LMBRD1: variants seen among roughly 807,000 people sequenced by gnomAD.
The protein encoded by LMBRD1 is LMBR1 domain containing 1.
Under a neutral mutation model 74.8 loss-of-function variants are expected in LMBRD1, and 64 were observed. That is an observed-to-expected ratio of 0.86 (90% CI 0.70 to 1.05). LMBRD1 has a LOEUF of 1.05. LMBRD1 is among the 50% of genes least tolerant of loss of function. The pLI is 0.00. For synonymous variants in LMBRD1, 204 were observed against 216.3 expected (o/e 0.94, Z 0.50); for missense variants, 652 against 645.9 (o/e 1.01, Z -0.10).
intron 3 of LMBRD1, among the ~76,000 whole-genome samples, chr6:69,771,754 C>T (rs1470959683): frequency 6.6e-6 from 1 of 151,838 alleles, no homozygotes; most frequent in Non-Finnish European, 1.5e-5. Flanking sequence ...AAGGAAAAGA[C>T]GTATCATATT....
At chr6:69,740,181 T>C (rs1226118667) in intron 6 of LMBRD1, among the ~76,000 whole-genome samples, 7 of 152,120 alleles carry the variant, frequency 4.6e-5, no homozygotes, top group Non-Finnish European at 7.4e-5. Flanking sequence ...GGAGGTGGGA[T>C]GAGAGACGAA....
At chr6:69,697,736 CTA>C in intron 13 of LMBRD1, 95 bp from the exon 14 acceptor site, 2 of 678,450 alleles carry the variant, frequency 2.9e-6, no homozygotes, top group Non-Finnish European at 5.1e-6. Context: ...ACTCTGTATA[CTA>C]ACTACATCTA....
chr6:69,679,400 C>T (rs150937787), intron 14 of LMBRD1, among the ~76,000 whole-genome samples: 1 of 152,232 alleles, frequency 6.6e-6, no homozygotes, highest in African/African-American at 2.4e-5. Flanking sequence ...TTTATTCTCA[C>T]TTTTATTACA....
intron 3 of LMBRD1, among the ~76,000 whole-genome samples, chr6:69,775,774 T>C (rs1441330597): frequency 6.6e-6 from 1 of 152,250 alleles, no homozygotes; most frequent in African/African-American, 2.4e-5. Context: ...CTTTGAGTTG[T>C]GAGCTACAGT....
At chr6:69,706,853 C>T (rs908138604) in intron 9 of LMBRD1, among the ~76,000 whole-genome samples, 5 of 152,108 alleles carry the variant, frequency 3.3e-5, no homozygotes, top group African/African-American at 1.2e-4. Flanking sequence ...CTACTGCTGC[C>T]AATGACACAC....
At position 69,719,196 on chromosome 6, in the gene LMBRD1, A is replaced by C. The variant is rs78410214; in HGVS notation, c.637-115T>G. 813 of 915,406 alleles carry C rather than the reference A, an allele frequency of 8.9e-4. 3 individuals carry two copies. In the African/African-American group the frequency reaches 0.012, roughly 14 times the overall value. The allele number at this position is 915,406 out of a possible 1,614,324, so 56.7% of individuals were successfully genotyped here. A position where few individuals can be genotyped will look rare whatever the true frequency, so the allele number is the denominator to read the frequency against. Reference sequence around the variant, plus strand: ...AGAGTCAGCAGTTGTGAAAGAGTACAGTCACTGAAAACATGGTATATGGGA... The same window carrying C: ...AGAGTCAGCAGTTGTGAAAGAGTACCGTCACTGAAAACATGGTATATGGGA... On this transcript the variant is annotated intron_variant, in intron 7 of 15. Transcript: ENST00000649934.
chr6:69,717,976 G>T (rs557268055), intron 8 of LMBRD1, among the ~76,000 whole-genome samples: 2 of 152,238 alleles, frequency 1.3e-5, no homozygotes, highest in South Asian at 2.1e-4. Flanking sequence ...TACGTACCTA[G>T]CCACTTATAT....
At chr6:69,724,132 C>T (rs1045732854) in intron 7 of LMBRD1, among the ~76,000 whole-genome samples, 1 of 151,610 alleles carries the variant, frequency 6.6e-6, no homozygotes, top group Non-Finnish European at 1.5e-5. Flanking sequence ...CTGAACAGAC[C>T]AGTAATAAGT....
intron 3 of LMBRD1, among the ~76,000 whole-genome samples, chr6:69,757,333 A>G (rs1008468196): frequency 6.6e-6 from 1 of 152,230 alleles, no homozygotes; most frequent in Admixed American, 6.5e-5. Context: ...TGTTGCTGGT[A>G]AAAGTGCCCA....
chr6:69,761,482 T>C (rs1490165266), intron 3 of LMBRD1, among the ~76,000 whole-genome samples: 2 of 152,152 alleles, frequency 1.3e-5, no homozygotes, highest in African/African-American at 2.4e-5. Context: ...AGGGATAAGA[T>C]TACAACTCTA....
chr6:69,737,331 A>C (rs1381146608), intron 7 of LMBRD1, among the ~76,000 whole-genome samples: 1 of 152,090 alleles, frequency 6.6e-6, no homozygotes, highest in African/African-American at 2.4e-5. Context: ...CTCAAAGAGA[A>C]GTCTGTATAC....
chr6:69,694,892 C>A (rs550359062), intron 14 of LMBRD1, among the ~76,000 whole-genome samples: 3 of 152,266 alleles, frequency 2.0e-5, no homozygotes, highest in African/African-American at 7.2e-5. Context: ...CCTTCATAGG[C>A]TATCAAAAGC....
In LMBRD1 at chr6:69,726,727, T is replaced by G. The variant is rs554148436; in HGVS notation, c.637-7646A>C. Among the ~76,000 whole-genome samples the G allele has an allele frequency of 4.1e-5, 6 of 146,964 alleles. No individual in the cohort carries two copies. In the South Asian group the frequency reaches 1.1e-3, roughly 26 times the overall value. Reference sequence around the variant, plus strand: ...GAATTGAAGGATGGTTACTAGAGGCTGGGAAGGGTAGTGAGGCAGTGGGAG... The same window carrying G: ...GAATTGAAGGATGGTTACTAGAGGCGGGGAAGGGTAGTGAGGCAGTGGGAG... On this transcript the variant is annotated intron_variant, in intron 7 of 15. Transcript: ENST00000649934.
chr6:69,785,262 G>C (rs901476983), intron 2 of LMBRD1, among the ~76,000 whole-genome samples: 1 of 152,156 alleles, frequency 6.6e-6, no homozygotes, highest in Non-Finnish European at 1.5e-5. Context: ...CTACACGATA[G>C]AGAACTCCAG....
At chr6:69,746,528 A>C (rs1767235956) in intron 5 of LMBRD1, 1 of 153,416 alleles carries the variant, frequency 6.5e-6, no homozygotes, top group Non-Finnish European at 1.5e-5. Flanking sequence ...TAGGAAGCTT[A>C]CTGGCATAAC....
At chr6:69,796,717 G>A (rs2149901017) in intron 1 of LMBRD1, 96 bp downstream of exon 1, 5 of 1,126,878 alleles carry the variant, frequency 4.4e-6, no homozygotes, top group Non-Finnish European at 6.6e-6. Flanking sequence ...GCGGGGCGAA[G>A]AGGGTCTCCG....
intron 8 of LMBRD1, among the ~76,000 whole-genome samples, chr6:69,714,700 AG>A (rs774700378): frequency 2.6e-5 from 4 of 152,106 alleles, no homozygotes; most frequent in Non-Finnish European, 5.9e-5. Flanking sequence ...CATGTATCCT[AG>A]TGCAGCCTCA....
At chr6:69,774,650 G>A (rs1485766708) in intron 3 of LMBRD1, among the ~76,000 whole-genome samples, 1 of 151,966 alleles carries the variant, frequency 6.6e-6, no homozygotes, top group Non-Finnish European at 1.5e-5. Flanking sequence ...CTAAAACACA[G>A]ACAACATAAG....
intron 14 of LMBRD1, among the ~76,000 whole-genome samples, chr6:69,687,852 G>GT (rs924587061): frequency 5.3e-5 from 8 of 152,020 alleles, no homozygotes; most frequent in African/African-American, 1.9e-4. Flanking sequence ...GGACCACGTA[G>GT]TTTTTTTTAA....
Sources: allele counts gnomAD v4.1 joint callset (sites outside exome capture counted in the v4.1 genomes callset), GRCh38; gene constraint gnomAD v4.1.1; transcripts MANE v1.5; gene names NCBI Gene and HGNC (gene_info 2026-07-23, HGNC 2026-07-21).